The following CAMK1D variants were observed in gnomAD, a reference collection of about 807,000 sequenced individuals.
CAMK1D encodes the protein calcium/calmodulin dependent protein kinase ID, also known as calcium/calmodulin-dependent protein kinase type 1D.
In CAMK1D, 9 loss-of-function variants were observed where a neutral mutation model predicts 47.7. The observed-to-expected ratio is 0.19, with a 90% CI of 0.11 to 0.33. CAMK1D has a LOEUF of 0.33. Among genes scored for constraint, CAMK1D ranks in the 10% least tolerant of loss-of-function variants. CAMK1D has a pLI of 1.00. For missense variants in CAMK1D, 291 were observed against 488.7 expected (o/e 0.60, Z 3.81); for synonymous variants, 184 against 184.9 (o/e 0.99, Z 0.04).
intron 1 of CAMK1D, among the ~76,000 whole-genome samples, chr10:12,417,700 G>A (rs1588463392): frequency 6.6e-6 from 1 of 152,194 alleles, no homozygotes; most frequent in Non-Finnish European, 1.5e-5. Flanking sequence ...AGCTGTGTAA[G>A]CAAGGAACAC....
intron 1 of CAMK1D, among the ~76,000 whole-genome samples, chr10:12,520,943 AGGGAGGGGGAGG>A (rs1204273363): frequency 0.017 from 48 of 2,748 alleles, 12 homozygotes; most frequent in African/African-American, 0.053. Flanking sequence ...GGAGAGGGAG[AGGGAGGGGGAGG>A]GGGAGGGGGA....
chr10:12,777,363 CTTTTTTTTTTT>C (rs869192068), intron 5 of CAMK1D, among the ~76,000 whole-genome samples: 1 of 88,524 alleles, frequency 1.1e-5, no homozygotes, highest in Non-Finnish European at 2.3e-5. Flanking sequence ...TTTGGTTGAA[CTTTTTTTTTTT>C]TTTTTTTTTT....
intron 1 of CAMK1D, among the ~76,000 whole-genome samples, chr10:12,550,089 A>C (rs1480151586): frequency 1.3e-5 from 2 of 152,124 alleles, no homozygotes; most frequent in African/African-American, 2.4e-5. Flanking sequence ...GCCCAGGAGG[A>C]GAGGGGCCTG....
chr10:12,834,347 G>A lies in CAMK1D; in HGVS notation c.*5460G>A, dbSNP rs895780179. On this transcript the variant is annotated 3_prime_UTR_variant, in exon 11 of 11. Coordinates refer to ENST00000619168, the MANE Select transcript of CAMK1D (RefSeq NM_153498.4). ...ATGCCTCCAGAGTCAGTGGGAAGGA[G>A]TCAGCCCTTCCCAGACTTCCCCGCC... 1.3e-5 allele frequency: 2 copies of A among 152,284 alleles called. No individual in the cohort carries two copies. The highest frequency in any genetic ancestry group is 2.9e-5 in the Non-Finnish European group (2 of 68,084). 9.4% of individuals were successfully genotyped at this position (152,284 alleles called of 1,614,324 possible).
intron 2 of CAMK1D, among the ~76,000 whole-genome samples, chr10:12,662,928 T>G (rs1264028140): frequency 2.6e-5 from 4 of 152,302 alleles, no homozygotes; most frequent in East Asian, 1.9e-4. Context: ...TTACTAGTTC[T>G]CCTTTCCTTG....
intron 5 of CAMK1D, among the ~76,000 whole-genome samples, chr10:12,789,693 C>A (rs1452733983): frequency 6.6e-6 from 1 of 152,210 alleles, no homozygotes; most frequent in Non-Finnish European, 1.5e-5. Flanking sequence ...TCTGTGTCCT[C>A]CCCTGTAATT....
chr10:12,666,487 A>C (rs973854611), intron 2 of CAMK1D, among the ~76,000 whole-genome samples: 1 of 152,212 alleles, frequency 6.6e-6, no homozygotes, highest in Admixed American at 6.5e-5. Context: ...ACATGAAGCA[A>C]CAATTGTTAA....
intron 1 of CAMK1D, among the ~76,000 whole-genome samples, chr10:12,427,698 C>CTTTTTTTTTTTTTTTTTTTTTTTT (rs1588474191): frequency 3.7e-5 from 1 of 27,392 alleles, no homozygotes; most frequent in African/African-American, 1.1e-4. Flanking sequence ...ACTGAACTTA[C>CTTTTTTTTTTTTTTTTTTTTTTTT]TGTTTTTTTT....
intron 1 of CAMK1D, among the ~76,000 whole-genome samples, chr10:12,529,990 A>G (rs1298109644): frequency 6.6e-6 from 1 of 152,210 alleles, no homozygotes; most frequent in Non-Finnish European, 1.5e-5. Flanking sequence ...TCTCTTATAA[A>G]CTAATGAAAA....
At chr10:12,556,025 T>C (rs1836749508) in intron 2 of CAMK1D, among the ~76,000 whole-genome samples, 1 of 151,946 alleles carries the variant, frequency 6.6e-6, no homozygotes, top group Non-Finnish European at 1.5e-5. Flanking sequence ...GTTTTGATAG[T>C]TGTTCAGTAT....
intron 3 of CAMK1D, among the ~76,000 whole-genome samples, chr10:12,721,178 C>T (rs560395616): frequency 6.6e-6 from 1 of 152,356 alleles, no homozygotes; most frequent in Non-Finnish European, 1.5e-5. Flanking sequence ...TACAGAATAG[C>T]GTGGCCGTTA....
At chr10:12,715,779 G>A (rs956556660) in intron 3 of CAMK1D, among the ~76,000 whole-genome samples, 216 of 148,832 alleles carry the variant, frequency 1.5e-3, no homozygotes, top group African/African-American at 5.0e-3. Flanking sequence ...GGAGTGCAGT[G>A]GTGCAATCTC....
intron 1 of CAMK1D, among the ~76,000 whole-genome samples, chr10:12,547,682 T>TCTCACA (rs10643491): frequency 0.075 from 8,724 of 116,398 alleles, 385 homozygotes; most frequent in Non-Finnish European, 0.089. Context: ...TTTCTCTCTC[T>TCTCACA]CACACACACA....
At chr10:12,628,017 G>A (rs1022199939) in intron 2 of CAMK1D, among the ~76,000 whole-genome samples, 1 of 151,162 alleles carries the variant, frequency 6.6e-6, no homozygotes, top group Non-Finnish European at 1.5e-5. Flanking sequence ...GAAGGCAGAG[G>A]TTGCAGTGAA....
chr10:12,536,814 G>A (rs1835986892), intron 1 of CAMK1D, among the ~76,000 whole-genome samples: 1 of 152,032 alleles, frequency 6.6e-6, no homozygotes, highest in African/African-American at 2.4e-5. Flanking sequence ...TGTTTTCCAG[G>A]TTTATCCCTG....
At chr10:12,780,085 A>G (rs1306268521) in intron 5 of CAMK1D, among the ~76,000 whole-genome samples, 1 of 151,908 alleles carries the variant, frequency 6.6e-6, no homozygotes, top group Non-Finnish European at 1.5e-5. Context: ...AAGGAGATGG[A>G]GAACAGTTGG....
rs571297723 is a variant in CAMK1D, at chr10:12,575,155, C to T, written c.224+21799C>T. On this transcript the variant is annotated intron_variant, in intron 2 of 10. Transcript: ENST00000619168. The stretch of plus-strand genomic sequence containing the variant: ...TTGCCCAGGCTGTAGCGTAGTGGCA[C>T]GATCTTGGCTCACTGCAACCTCTGC... Among the ~76,000 whole-genome samples, 21 of 152,224 alleles carry T rather than the reference C, an allele frequency of 1.4e-4. No homozygotes were observed. The East Asian group carries it at 1.9e-3, about 14-fold the overall frequency.
At chr10:12,756,785 G>A (rs1352670069) in intron 3 of CAMK1D, among the ~76,000 whole-genome samples, 8 of 152,092 alleles carry the variant, frequency 5.3e-5, no homozygotes, top group East Asian at 1.9e-4. Flanking sequence ...AAAATTAGCC[G>A]GGCGTGGTGG....
chr10:12,409,211 C>G (rs976407362), intron 1 of CAMK1D, among the ~76,000 whole-genome samples: 5 of 152,132 alleles, frequency 3.3e-5, no homozygotes, highest in Non-Finnish European at 7.3e-5. Flanking sequence ...TCCCCTCGTT[C>G]TGTAATCGTG....
Sources: gnomAD v4.1 joint callset for allele counts (sites outside exome capture counted in the v4.1 genomes callset) on GRCh38, gnomAD v4.1.1 for gene constraint, MANE v1.5 for transcripts, NCBI Gene and HGNC (gene_info 2026-07-23, HGNC 2026-07-21) for gene names.